Variants in NCKAP5 observed in about 807,000 individuals in gnomAD.
NCKAP5 encodes nck-associated protein 5.
NCKAP5 carries 92 observed loss-of-function variants against 167.0 expected under a neutral mutation model. That is an observed-to-expected ratio of 0.55 (90% CI 0.47 to 0.66). The LOEUF (loss-of-function observed/expected upper bound fraction) is 0.66. NCKAP5 is among the 30% of genes least tolerant of loss of function. The pLI is 0.00. For missense variants in NCKAP5, 2,378 were observed against 2,315.0 expected, an observed-to-expected ratio of 1.03 and a Z score of -0.56; for synonymous variants, 891 against 877.4, an observed-to-expected ratio of 1.02 and a Z score of -0.27.
chr2:132,754,694 A>G (rs533468056), intron 16 of NCKAP5, among the ~76,000 whole-genome samples: 1 of 152,374 alleles, frequency 6.6e-6, no homozygotes, highest in Admixed American at 6.5e-5. Context: ...GTAAGTTCAC[A>G]TAATTTGGGA....
chr2:133,530,203 C>T (rs967166475), intron 2 of NCKAP5, among the ~76,000 whole-genome samples: 2 of 151,992 alleles, frequency 1.3e-5, no homozygotes, highest in Non-Finnish European at 2.9e-5. Flanking sequence ...ATTTGAAATG[C>T]CCCCAATCAT....
chr2:132,872,167 G>A (rs1336834272), intron 9 of NCKAP5, among the ~76,000 whole-genome samples: 1 of 152,208 alleles, frequency 6.6e-6, no homozygotes, highest in Non-Finnish European at 1.5e-5. Flanking sequence ...CAGTCCTTAA[G>A]CCACTAGCTT....
At chr2:133,084,043 T>A (rs1431220702) in intron 6 of NCKAP5, among the ~76,000 whole-genome samples, 2 of 150,290 alleles carry the variant, frequency 1.3e-5, no homozygotes. Context: ...TGATTAGGAG[T>A]TTCTGAGCAC....
Position 132,728,809 on chromosome 2 carries a change from C to T in NCKAP5, c.5580+7G>A. On this transcript the variant is annotated splice_region_variant and intron_variant, in intron 18 of 19. Coordinates refer to ENST00000409261, the MANE Select transcript of NCKAP5 (RefSeq NM_207363.3). ...GATTGCACCCTTCACCTCCCCCGACCCCTCACCTGGGTCCCGGTGGCAGCA... is the reference window on the plus strand; with the variant it reads ...GATTGCACCCTTCACCTCCCCCGACTCCTCACCTGGGTCCCGGTGGCAGCA... The T allele has an allele frequency of 4.3e-6, 7 of 1,613,654 alleles. No individual in the cohort carries two copies. The highest frequency in any genetic ancestry group is 5.9e-6 in the Non-Finnish European group (7 of 1,179,776).
chr2:133,555,025 A>C (rs1687638524), intron 2 of NCKAP5, among the ~76,000 whole-genome samples: 1 of 152,106 alleles, frequency 6.6e-6, no homozygotes, highest in South Asian at 2.1e-4. Flanking sequence ...CTGTGGAACA[A>C]CTTTTCCCCG....
At chr2:133,419,375 G>A (rs1375887413) in intron 3 of NCKAP5, among the ~76,000 whole-genome samples, 1 of 152,174 alleles carries the variant, frequency 6.6e-6, no homozygotes, top group African/African-American at 2.4e-5. Context: ...GATCTCTAAT[G>A]GGGTAAATAT....
In NCKAP5 at chr2:133,472,873, A is replaced by G. The variant is rs113345836; in HGVS notation, c.69+44585T>C. On this transcript the variant is annotated intron_variant, in intron 3 of 19. Transcript: ENST00000409261. ...CAAGTCCTCTGCAGTGCTGCCTTAGAAATCTCTTTACATGTTGGATTGCTT... is the reference window on the plus strand; with the variant it reads ...CAAGTCCTCTGCAGTGCTGCCTTAGGAATCTCTTTACATGTTGGATTGCTT... Among the ~76,000 whole-genome samples, 18 of 152,150 alleles carry G rather than the reference A, an allele frequency of 1.2e-4. 2 individuals are homozygous for G. Among genetic ancestry groups the G allele is most frequent in the Admixed American group, 3.3e-4 (5 of 15,296 alleles).
chr2:133,046,636 C>T (rs1278433048), intron 6 of NCKAP5, among the ~76,000 whole-genome samples: 1 of 152,082 alleles, frequency 6.6e-6, no homozygotes, highest in Admixed American at 6.6e-5. Flanking sequence ...ACCTCGGCAT[C>T]CCAAAGTGCT....
chr2:133,287,777 T>C (rs1449749535), intron 4 of NCKAP5, among the ~76,000 whole-genome samples: 1 of 151,750 alleles, frequency 6.6e-6, no homozygotes, highest in Non-Finnish European at 1.5e-5. Flanking sequence ...TGTGAAGAGG[T>C]AGGGAGGCAG....
At chr2:133,183,941 C>T (rs1445120468) in intron 5 of NCKAP5, among the ~76,000 whole-genome samples, 1 of 152,038 alleles carries the variant, frequency 6.6e-6, no homozygotes, top group African/African-American at 2.4e-5. Flanking sequence ...ATGTGCAAAA[C>T]AAAATTTATA....
chr2:132,775,637 T>C (rs1009849790), intron 15 of NCKAP5, among the ~76,000 whole-genome samples: 1 of 152,188 alleles, frequency 6.6e-6, no homozygotes, highest in African/African-American at 2.4e-5. Flanking sequence ...ACACTGTGAG[T>C]ATGAGAAAGA....
the NCKAP5 span, among the ~76,000 whole-genome samples, chr2:133,659,773 G>A: frequency 6.6e-6 from 1 of 152,036 alleles, no homozygotes; most frequent in South Asian, 2.1e-4. Context: ...CTTTTAAGTG[G>A]TATGTGACTG....
intron 3 of NCKAP5, among the ~76,000 whole-genome samples, chr2:133,459,617 G>A (rs1427840830): frequency 3.9e-5 from 6 of 152,146 alleles, no homozygotes; most frequent in African/African-American, 1.2e-4. Context: ...TGCCTAAAAT[G>A]TGTCTGGACA....
At chr2:133,094,723 A>T (rs2081292724) in intron 6 of NCKAP5, among the ~76,000 whole-genome samples, 1 of 152,206 alleles carries the variant, frequency 6.6e-6, no homozygotes, top group Non-Finnish European at 1.5e-5. Context: ...CTTTGAGTTA[A>T]TCAAAAGAGA....
chr2:133,674,483 C>A, the NCKAP5 span, among the ~76,000 whole-genome samples: 1 of 151,952 alleles, frequency 6.6e-6, no homozygotes, highest in South Asian at 2.1e-4. Context: ...CACCACGTGC[C>A]ATGTAATGCC....
intron 5 of NCKAP5, among the ~76,000 whole-genome samples, chr2:133,178,156 T>C (rs1461607791): frequency 3.3e-5 from 5 of 152,066 alleles, no homozygotes; most frequent in African/African-American, 9.7e-5. Context: ...TCCTCCCTTT[T>C]CTCCTACTGG....
chr2:132,814,676 T>A (rs1174869550), intron 11 of NCKAP5, among the ~76,000 whole-genome samples: 2 of 152,180 alleles, frequency 1.3e-5, no homozygotes, highest in Non-Finnish European at 2.9e-5. Context: ...GACTTTCAAC[T>A]CAAAGCTGCT....
chr2:132,768,699 G>T (rs1574137163), intron 16 of NCKAP5, among the ~76,000 whole-genome samples: 1 of 149,240 alleles, frequency 6.7e-6, no homozygotes, highest in African/African-American at 2.5e-5. Flanking sequence ...GAGTGCAGTG[G>T]CGCGATCTCG....
intron 8 of NCKAP5, among the ~76,000 whole-genome samples, chr2:132,923,802 T>A (rs1433264832): frequency 3.9e-5 from 6 of 152,200 alleles, no homozygotes; most frequent in Non-Finnish European, 7.3e-5. Flanking sequence ...TTAAAAATTT[T>A]AATAAAAATG....
Sources: allele counts gnomAD v4.1 joint callset (sites outside exome capture counted in the v4.1 genomes callset), GRCh38; gene constraint gnomAD v4.1.1; transcripts MANE v1.5; gene names NCBI Gene and HGNC (gene_info 2026-07-23, HGNC 2026-07-21).